Variants in PACC1 observed in about 807,000 individuals in gnomAD.
PACC1 encodes proton-activated chloride channel.
PACC1 carries 34 observed loss-of-function variants against 39.7 expected under a neutral mutation model. The ratio of observed to expected loss-of-function variants is 0.86; its 90% CI spans 0.65 to 1.14. The LOEUF is 1.14. Ranked by LOEUF, PACC1 falls within the 50% of genes most tolerant of loss-of-function variation. The pLI is 0.00. For missense variants in PACC1, 379 were observed against 436.4 expected (o/e 0.87, Z 1.17); for synonymous variants, 127 against 160.6 (o/e 0.79, Z 1.58).
chr1:212,409,708 A>G (rs1011755811), intron 2 of PACC1, among the ~76,000 whole-genome samples: 4 of 152,152 alleles, frequency 2.6e-5, no homozygotes, highest in Admixed American at 2.6e-4. Context: ...GGGCAGTTGG[A>G]AATACAGGAT....
chr1:212,390,059 G>A (rs1475397343), intron 2 of PACC1, among the ~76,000 whole-genome samples: 1 of 151,982 alleles, frequency 6.6e-6, no homozygotes, highest in Non-Finnish European at 1.5e-5. Context: ...AAAACCAAAT[G>A]GAGCCCGGAA....
At chr1:212,383,214 C>T (rs988565934) in intron 4 of PACC1, among the ~76,000 whole-genome samples, 3 of 152,192 alleles carry the variant, frequency 2.0e-5, no homozygotes, top group Non-Finnish European at 4.4e-5. Context: ...AAACAACTCT[C>T]TCTTTGTGCC....
intron 7 of PACC1, among the ~76,000 whole-genome samples, chr1:212,372,737 TAAA>T (rs991877023): frequency 4.0e-5 from 6 of 150,802 alleles, no homozygotes; most frequent in African/African-American, 1.5e-4. Context: ...AAGAATAAAA[TAAA>T]AAAGAGAGCA....
At chr1:212,369,750 C>T (rs1352933014) in intron 7 of PACC1, among the ~76,000 whole-genome samples, 1 of 145,932 alleles carries the variant, frequency 6.9e-6, no homozygotes, top group Admixed American at 7.0e-5. Flanking sequence ...CACTGCACTC[C>T]AGCCTGGGCA....
chr1:212,382,356 T>G (rs1462079564), intron 4 of PACC1, among the ~76,000 whole-genome samples: 1 of 151,834 alleles, frequency 6.6e-6, no homozygotes. Context: ...TGTTTTATGG[T>G]TGCAAAAAAA....
At chr1:212,383,766 T>A (rs6540738) in intron 4 of PACC1, among the ~76,000 whole-genome samples, 78,245 of 152,048 alleles carry the variant, frequency 0.51, 21,427 homozygotes, top group African/African-American at 0.71. Context: ...CACACTGAGT[T>A]TTCCAGTGTG....
chr1:212,382,986 G>A (rs1297128836), intron 4 of PACC1, among the ~76,000 whole-genome samples: 2 of 152,186 alleles, frequency 1.3e-5, no homozygotes, highest in Non-Finnish European at 2.9e-5. Context: ...GCAGAGCTGC[G>A]GGCCCTTCCC....
At chr1:212,393,689 GC>G (rs1213425839) in intron 2 of PACC1, among the ~76,000 whole-genome samples, 2 of 152,080 alleles carry the variant, frequency 1.3e-5, no homozygotes, top group Admixed American at 6.6e-5. Context: ...TAGACAGCTA[GC>G]AAGACTAATA....
Position 212,375,399 on chromosome 1 carries a change from T to G in PACC1, c.784-99A>C, listed in dbSNP as rs542622216. ...AGAGAGTAGGCAGGGGATCATAGTC[T>G]GTGGTTCTCCTCACACTATTTTTTG... On this transcript the variant is annotated intron_variant, in intron 6 of 7. Coordinates refer to ENST00000261455, the MANE Select transcript of PACC1 (RefSeq NM_018252.3). The G allele has an allele frequency of 8.1e-5, 66 of 811,698 alleles. No individual in the cohort carries two copies. In the East Asian group the frequency reaches 1.7e-3, roughly 20 times the overall value. 50.3% of individuals were successfully genotyped at this position (811,698 alleles called of 1,614,324 possible). A position where few individuals can be genotyped will look rare whatever the true frequency, so the allele number is the denominator to read the frequency against.
chr1:212,376,209 T>C (rs1660660778), intron 6 of PACC1, among the ~76,000 whole-genome samples: 1 of 152,104 alleles, frequency 6.6e-6, no homozygotes, highest in Non-Finnish European at 1.5e-5. Context: ...CTCAGATCCA[T>C]CATCGAAGCT....
intron 2 of PACC1, among the ~76,000 whole-genome samples, chr1:212,402,793 T>TA (rs1344444626): frequency 6.6e-6 from 1 of 152,142 alleles, no homozygotes; most frequent in Non-Finnish European, 1.5e-5. Context: ...TAGCTGGAAT[T>TA]ACAGGCATGA....
At chr1:212,401,159 CACT>C (rs1168706059) in intron 2 of PACC1, among the ~76,000 whole-genome samples, 3 of 152,080 alleles carry the variant, frequency 2.0e-5, no homozygotes, top group African/African-American at 7.2e-5. Flanking sequence ...TAACCACCAC[CACT>C]ATCTACAGAA....
intron 2 of PACC1, among the ~76,000 whole-genome samples, chr1:212,401,088 A>G (rs916841643): frequency 3.3e-5 from 5 of 152,146 alleles, no homozygotes; most frequent in African/African-American, 1.2e-4. Context: ...TTTACATACC[A>G]TACAATTTAC....
chr1:212,392,677 T>C (rs1214621185), intron 2 of PACC1, among the ~76,000 whole-genome samples: 1 of 152,100 alleles, frequency 6.6e-6, no homozygotes, highest in Non-Finnish European at 1.5e-5. Context: ...CAGTGTGCTG[T>C]ATTCAGGAAA....
chr1:212,372,228 T>C (rs2102470863), intron 7 of PACC1, among the ~76,000 whole-genome samples: 1 of 149,716 alleles, frequency 6.7e-6, no homozygotes, highest in South Asian at 2.1e-4. Context: ...GGGGTTGTAG[T>C]GAGCTGAGAT....
intron 4 of PACC1, among the ~76,000 whole-genome samples, chr1:212,384,183 G>A (rs964416055): frequency 6.6e-6 from 1 of 152,114 alleles, no homozygotes; most frequent in Non-Finnish European, 1.5e-5. Flanking sequence ...GTCCACTGGT[G>A]ATATCCTTTC....
At chr1:212,398,233 T>C (rs12060029) in intron 2 of PACC1, among the ~76,000 whole-genome samples, 8,100 of 152,220 alleles carry the variant, frequency 0.053, 333 homozygotes, top group Admixed American at 0.11. Context: ...AAGATATACA[T>C]TGAAAATAAA....
chr1:212,408,378 G>C (rs886573144), intron 2 of PACC1, among the ~76,000 whole-genome samples: 2 of 144,714 alleles, frequency 1.4e-5, no homozygotes, highest in African/African-American at 5.1e-5. Flanking sequence ...TTTTTTTTTT[G>C]AGGCAGAGTC....
intron 7 of PACC1, among the ~76,000 whole-genome samples, chr1:212,373,842 A>C (rs932750650): frequency 1.3e-5 from 2 of 152,190 alleles, no homozygotes; most frequent in African/African-American, 4.8e-5. Flanking sequence ...ACTATCAAAA[A>C]GACAGTAAGT....
Sources: allele counts gnomAD v4.1 joint callset (sites outside exome capture counted in the v4.1 genomes callset), GRCh38; gene constraint gnomAD v4.1.1; transcripts MANE v1.5; gene names NCBI Gene and HGNC (gene_info 2026-07-23, HGNC 2026-07-21).